The following CDCA5 variants were observed in gnomAD, a reference collection of about 807,000 sequenced individuals.
CDCA5 encodes the protein cell division cycle associated 5, also known as sororin.
CDCA5 carries 14 observed loss-of-function variants against 25.7 expected under a neutral mutation model. The observed-to-expected ratio is 0.54, with a 90% CI of 0.36 to 0.85. The LOEUF is 0.85. Ranked by LOEUF, CDCA5 falls within the 40% of genes least tolerant of loss-of-function variation. The pLI is 0.01. For synonymous variants in CDCA5, 127 were observed against 128.7 expected (o/e 0.99, Z 0.09); for missense variants, 307 against 324.5 (o/e 0.95, Z 0.41).
chr11:65,066,992 C>A, intron 4 of CDCA5: 1 of 649,080 alleles, frequency 1.5e-6, no homozygotes, highest in Non-Finnish European at 2.4e-6. Context: ...CACCTGGGAC[C>A]AGTGTTTCAG....
In CDCA5 at chr11:65,083,515, G is replaced by A. The variant is rs1378749857; in HGVS notation, c.177C>T (p.Val59=). The A allele has an allele frequency of 6.2e-7, 1 of 1,614,236 alleles. No individual in the cohort carries two copies. Among genetic ancestry groups the A allele is most frequent in the South Asian group, 1.1e-5 (1 of 91,086 alleles). Residue 59 remains valine, a synonymous_variant, in exon 3 of 6, where the codon GTC becomes GTT. Coordinates refer to ENST00000275517, the MANE Select transcript of CDCA5 (RefSeq NM_080668.4). ...PSAAAVRKPI[V]LKRIVAHAVE... ...CAGCATGGGCCACGATCCTCTTTAA[G>A]ACGATGGGCTTTCTGACTGCAGCCG...
Position 65,077,988 on chromosome 11 carries a change from AAAG to A in CDCA5, c.*1116_*1118del. 1 of 985,514 alleles carries A rather than the reference AAAG, an allele frequency of 1.0e-6. No homozygotes were observed. The highest frequency in any genetic ancestry group is 1.2e-6 in the Non-Finnish European group (1 of 829,966). 61.0% of individuals were successfully genotyped at this position (985,514 alleles called of 1,614,324 possible). On this transcript the variant is annotated 3_prime_UTR_variant, in exon 6 of 6. Transcript: ENST00000275517. ...CCACACTATTGAATCCACACGATGGAAAGAAGAGAAAGATGGGGAAATTCTCCA... is the reference window on the plus strand; with the variant it reads ...CCACACTATTGAATCCACACGATGGAAAGAGAAAGATGGGGAAATTCTCCA...
chr11:65,079,856 G>T, intron 4 of CDCA5, 69 bp from the exon 5 acceptor site: 1 of 1,239,568 alleles, frequency 8.1e-7, no homozygotes, highest in Non-Finnish European at 1.1e-6. Context: ...AAAAGCCCGA[G>T]AAGATTCAGG....
intron 4 of CDCA5, among the ~76,000 whole-genome samples, chr11:65,082,089 C>T (rs573499284): frequency 6.6e-6 from 1 of 152,240 alleles, no homozygotes; most frequent in Non-Finnish European, 1.5e-5. Context: ...TTAGCTCACG[C>T]CCTTGGCTTC....
At chr11:65,063,510 A>G (rs1334529969), downstream of CDCA5, among the ~76,000 whole-genome samples, 1 of 152,200 alleles carries the variant, frequency 6.6e-6, no homozygotes, top group Non-Finnish European at 1.5e-5. Context: ...GACACAGTGG[A>G]ACCCCATGTT....
Position 65,066,586 on chromosome 11 carries a change from C to A in CDCA5, c.529G>T (p.Glu177Ter), listed in dbSNP as rs1465292594. ...GCCACCTCCGGCAGGGCCTGGCTTTCCTCCTGCAGGGCCTTCACTTCATCC... is the reference window on the plus strand; with the variant it reads ...GCCACCTCCGGCAGGGCCTGGCTTTACTCCTGCAGGGCCTTCACTTCATCC... Residue 177 changes from glutamate (E) to a stop codon, truncating the protein, a stop_gained, in exon 6 of 7, where the codon GAA becomes TAA. Transcript: ENST00000525464. LOFTEE classifies it low-confidence loss of function (END_TRUNC). The A allele has an allele frequency of 7.8e-7, 1 of 1,289,440 alleles. No homozygotes were observed. The highest frequency in any genetic ancestry group is 1.5e-5 in the African/African-American group (1 of 66,006). The allele number at this position is 1,289,440 out of a possible 1,614,324, so 79.9% of individuals were successfully genotyped here.
chr11:65,062,333 G>A (rs187853032), downstream of CDCA5, among the ~76,000 whole-genome samples: 123 of 152,202 alleles, frequency 8.1e-4, 2 homozygotes, highest in Non-Finnish European at 3.1e-4. Flanking sequence ...TGTCACGACC[G>A]TGCTCACAGC....
In CDCA5 at chr11:65,077,784, G is replaced by C; in HGVS notation, c.*1323C>G. The C allele has an allele frequency of 4.1e-6, 4 of 985,568 alleles. No homozygotes were observed. The highest frequency in any genetic ancestry group is 4.8e-6 in the Non-Finnish European group (4 of 830,002). 61.1% of individuals were successfully genotyped at this position (985,568 alleles called of 1,614,324 possible). A position where few individuals can be genotyped will look rare whatever the true frequency, so the allele number is the denominator to read the frequency against. On this transcript the variant is annotated 3_prime_UTR_variant, in exon 6 of 6. Coordinates refer to ENST00000275517, the MANE Select transcript of CDCA5 (RefSeq NM_080668.4). ...CTGGCAGAGGGTTTTATTAGGGCCC[G>C]CCTGGCCTGCACCGTTTCATCCAAG...
chr11:65,065,117 C>G (rs993444009), downstream of CDCA5, among the ~76,000 whole-genome samples: 1 of 152,032 alleles, frequency 6.6e-6, no homozygotes, highest in Non-Finnish European at 1.5e-5. Context: ...CCGTGTCACA[C>G]GAGGATTAAC....
chr11:65,067,056 C>T (rs1947252802), intron 4 of CDCA5, among the ~76,000 whole-genome samples: 3 of 152,346 alleles, frequency 2.0e-5, no homozygotes, highest in Admixed American at 6.5e-5. Flanking sequence ...GGGAATTGTT[C>T]TCCCTGAGTG....
Position 65,083,725 on chromosome 11 carries a change from T to A in CDCA5, c.47-2A>T. On this transcript the variant is annotated splice_acceptor_variant, in intron 1 of 5. Transcript: ENST00000275517. LOFTEE classifies it high-confidence loss of function. The stretch of plus-strand genomic sequence containing the variant: ...TAGTAGGAGATGGGGCCCTTGGCCC[T>A]GGAAAGAGAAAAAAGTTAAGTGGTA... 6.2e-7 allele frequency: 1 copy of A among 1,609,724 alleles called. No individual in the cohort carries two copies. The highest frequency in any genetic ancestry group is 1.1e-5 in the South Asian group (1 of 90,634).
intron 1 of CDCA5, 99 bp downstream of exon 1, chr11:65,083,834 C>A: frequency 6.3e-7 from 1 of 1,587,670 alleles, no homozygotes; most frequent in South Asian, 1.1e-5. Context: ...TTAAGGGCGC[C>A]TCCTCCGGCG....
intron 1 of CDCA5, among the ~76,000 whole-genome samples, chr11:65,069,539 G>A (rs922506203): frequency 5.3e-5 from 8 of 152,190 alleles, no homozygotes; most frequent in African/African-American, 9.7e-5. Flanking sequence ...GAGCTCCAGC[G>A]TGGTATGGCT....
intron 1 of CDCA5, among the ~76,000 whole-genome samples, chr11:65,070,569 G>T (rs539068573): frequency 6.6e-6 from 1 of 151,466 alleles, no homozygotes; most frequent in Non-Finnish European, 1.5e-5. Context: ...CTGCAGCCTC[G>T]ACTTCCCAGG....
chr11:65,064,004 G>C (rs532244614), downstream of CDCA5, among the ~76,000 whole-genome samples: 10 of 152,306 alleles, frequency 6.6e-5, no homozygotes, highest in African/African-American at 2.4e-4. Flanking sequence ...GAATCTATAA[G>C]CACTTCTGTG....
intron 4 of CDCA5, chr11:65,066,971 G>C (rs1221508101): frequency 2.3e-6 from 2 of 879,188 alleles, no homozygotes; most frequent in Non-Finnish European, 3.2e-6. Flanking sequence ...TCAGCCACCT[G>C]GTCCTATAGC....
intron 4 of CDCA5, among the ~76,000 whole-genome samples, chr11:65,082,594 C>G (rs984342121): frequency 6.6e-6 from 1 of 151,494 alleles, no homozygotes; most frequent in Non-Finnish European, 1.5e-5. Flanking sequence ...TCCTGAGTAG[C>G]TGGGACTATA....
At chr11:65,076,572 G>A (rs1947449248), downstream of CDCA5, among the ~76,000 whole-genome samples, 1 of 152,194 alleles carries the variant, frequency 6.6e-6, no homozygotes, top group African/African-American at 2.4e-5. Context: ...GGGGAAGGAG[G>A]TCAAAGCGGA....
In CDCA5 at chr11:65,077,673, G is replaced by A; in HGVS notation, c.*1434C>T. The A allele has an allele frequency of 1.0e-6, 1 of 985,448 alleles. No individual in the cohort carries two copies. Among genetic ancestry groups the A allele is most frequent in the Non-Finnish European group, 1.2e-6 (1 of 829,966 alleles). 61.0% of individuals were successfully genotyped at this position (985,448 alleles called of 1,614,324 possible). On this transcript the variant is annotated 3_prime_UTR_variant, in exon 6 of 6. Transcript: ENST00000275517. ...AGTTCTTCAGTGCGGTTCAGCTCAA[G>A]GACACCTAGGCTTCCCCAGCAGGGG...
Sources: allele counts gnomAD v4.1 joint callset (sites outside exome capture counted in the v4.1 genomes callset), GRCh38; gene constraint gnomAD v4.1.1; transcripts MANE v1.5; gene names NCBI Gene and HGNC (gene_info 2026-07-23, HGNC 2026-07-21).